The following NPAT variants were observed in gnomAD, a reference collection of about 807,000 sequenced individuals.
The protein encoded by NPAT is nuclear protein, coactivator of histone transcription.
Under a neutral mutation model 130.7 loss-of-function variants are expected in NPAT, and 52 were observed. The observed-to-expected ratio is 0.40, with a 90% CI of 0.32 to 0.50. The LOEUF is 0.50. NPAT is among the 20% of genes least tolerant of loss of function. NPAT has a pLI of 0.68. For synonymous variants in NPAT, 580 were observed against 584.8 expected, an observed-to-expected ratio of 0.99 and a Z score of 0.12; for missense variants, 1,687 against 1,662.6, an observed-to-expected ratio of 1.01 and a Z score of -0.26.
In NPAT at chr11:108,190,504, A is replaced by C. The variant is rs773905775; in HGVS notation, c.291-4T>G. On this transcript the variant is annotated splice_polypyrimidine_tract_variant and splice_region_variant and intron_variant, in intron 4 of 17. Coordinates refer to ENST00000278612, the MANE Select transcript of NPAT (RefSeq NM_002519.3). ...CCTTGGGGAACTTTGCATGCTCCTA[A>C]CAAAGAAAACAAAGTAGTTATCCAT... 1.9e-6 allele frequency: 3 copies of C among 1,613,046 alleles called. No individual in the cohort carries two copies. The South Asian group carries it at 3.3e-5, about 18-fold the overall frequency.
chr11:108,205,526 C>T (rs1235627001), intron 1 of NPAT, among the ~76,000 whole-genome samples: 2 of 152,188 alleles, frequency 1.3e-5, no homozygotes, highest in South Asian at 2.1e-4. Context: ...CCTTGGCCCC[C>T]ACAAAGTGCT....
chr11:108,187,685 G>GA (rs554958040), intron 7 of NPAT, among the ~76,000 whole-genome samples: 2,601 of 152,024 alleles, frequency 0.017, 86 homozygotes, highest in African/African-American at 0.057. Flanking sequence ...AAAGTGTTTT[G>GA]GGAAAAACAC....
At chr11:108,211,619 C>A (rs2078384557) in intron 1 of NPAT, among the ~76,000 whole-genome samples, 1 of 151,636 alleles carries the variant, frequency 6.6e-6, no homozygotes, top group Admixed American at 6.6e-5. Flanking sequence ...CAGTGATGCA[C>A]CATGACCAAG....
At chr11:108,221,130 C>T (rs559887425) in intron 1 of NPAT, among the ~76,000 whole-genome samples, 1 of 152,236 alleles carries the variant, frequency 6.6e-6, no homozygotes, top group South Asian at 2.1e-4. Flanking sequence ...GGTGATTCTG[C>T]CCTCCAGGGG....
At chr11:108,159,041 A>T in intron 17 of NPAT, 22 bp from the exon 18 acceptor site, 1 of 1,537,674 alleles carries the variant, frequency 6.5e-7, no homozygotes, top group Non-Finnish European at 8.9e-7. Flanking sequence ...GAGAAAGAAA[A>T]AATAAACTCA....
chr11:108,179,672 G>C lies in NPAT; in HGVS notation c.907-2582C>G, dbSNP rs549586626. Among the ~76,000 whole-genome samples the C allele has an allele frequency of 1.8e-4, 28 of 152,332 alleles. No individual in the cohort carries two copies. In the South Asian group the frequency reaches 5.8e-3, roughly 32 times the overall value. ...AAAAAAGAAATCATAAGGGAGGCCA[G>C]GCATGGTGGTTCACACCAATAATCC... On this transcript the variant is annotated intron_variant, in intron 10 of 17. Transcript: ENST00000278612.
chr11:108,200,378 C>G (rs370161765), intron 1 of NPAT, among the ~76,000 whole-genome samples: 1 of 152,156 alleles, frequency 6.6e-6, no homozygotes, highest in Admixed American at 6.5e-5. Flanking sequence ...TTTACCCATG[C>G]CTTTTAAATC....
At chr11:108,203,994 A>G (rs1396505036) in intron 1 of NPAT, among the ~76,000 whole-genome samples, 1 of 152,226 alleles carries the variant, frequency 6.6e-6, no homozygotes, top group Non-Finnish European at 1.5e-5. Context: ...ATGGAGCCTC[A>G]GACGATGGCT....
chr11:108,171,878 C>T (rs2077954885), intron 13 of NPAT: 1 of 245,810 alleles, frequency 4.1e-6, no homozygotes, highest in African/African-American at 2.2e-5. Flanking sequence ...TAAAAACTCC[C>T]CCACAACATT....
intron 6 of NPAT, 83 bp from the exon 7 acceptor site, chr11:108,188,262 T>G (rs1407270104): frequency 4.9e-6 from 5 of 1,017,360 alleles, no homozygotes; most frequent in Non-Finnish European, 6.2e-6. Context: ...GCATTAGTGA[T>G]TATTATTTTA....
chr11:108,177,529 A>G (rs902992874), intron 10 of NPAT, among the ~76,000 whole-genome samples: 1 of 152,166 alleles, frequency 6.6e-6, no homozygotes, highest in African/African-American at 2.4e-5. Flanking sequence ...TTTATGTAGT[A>G]GCATTCCCCC....
chr11:108,219,210 A>G (rs1474787886), intron 1 of NPAT, among the ~76,000 whole-genome samples: 1 of 152,146 alleles, frequency 6.6e-6, no homozygotes, highest in Non-Finnish European at 1.5e-5. Flanking sequence ...GGAAGCAGCC[A>G]TATTTTTCCC....
chr11:108,184,777 C>A (rs1255471737), intron 10 of NPAT, among the ~76,000 whole-genome samples: 1 of 152,186 alleles, frequency 6.6e-6, no homozygotes, highest in African/African-American at 2.4e-5. Context: ...GTGATCTGCC[C>A]TCCTTGGCCT....
rs769499589 is a variant in NPAT at position 108,172,951 on chromosome 11, C to T, written c.2033G>A (p.Gly678Glu). 7 of 1,614,106 alleles carry T rather than the reference C, an allele frequency of 4.3e-6. No homozygotes were observed. In the South Asian group the frequency reaches 7.7e-5, roughly 18 times the overall value. ...TGCAACTTTCTCACAGTTAGCATTT[C>T]CACCTAAAGAGAGAAAAATAGTATT... ...EENTIFLSLG[G>E]NANCEKVALT... Residue 678 changes from glycine to glutamate, a missense_variant, in exon 13 of 18, where the codon GGA (glycine) becomes GAA (glutamate). Physicochemically the swap from Gly to Glu is moderately conservative, Grantham distance 98. This residue lies in a region of NPAT where 1,379 missense variants were observed against 1,346.6 expected (regional missense o/e 1.02). Coordinates refer to ENST00000278612, the MANE Select transcript of NPAT (RefSeq NM_002519.3).
intron 10 of NPAT, among the ~76,000 whole-genome samples, chr11:108,183,251 T>G (rs969479183): frequency 6.6e-6 from 1 of 152,132 alleles, no homozygotes; most frequent in Admixed American, 6.5e-5. Flanking sequence ...CCTCTCAAAG[T>G]GCTGGGATTA....
intron 1 of NPAT, among the ~76,000 whole-genome samples, chr11:108,218,606 T>A (rs1565331623): frequency 6.6e-6 from 1 of 152,168 alleles, no homozygotes; most frequent in Non-Finnish European, 1.5e-5. Context: ...CACAAATAAC[T>A]GTAATGCAAA....
intron 15 of NPAT, 23 bp from the exon 16 acceptor site, chr11:108,162,203 CT>C: frequency 1.2e-6 from 2 of 1,601,406 alleles, no homozygotes; most frequent in South Asian, 2.2e-5. Flanking sequence ...ATGAACATTC[CT>C]GAGAAAAAGA....
intron 6 of NPAT, among the ~76,000 whole-genome samples, 155 bp downstream of exon 6, chr11:108,188,951 A>G (rs916720523): frequency 1.3e-5 from 2 of 152,234 alleles, no homozygotes; most frequent in Non-Finnish European, 2.9e-5. Flanking sequence ...TTATATGCTT[A>G]TAGCAAATCT....
At position 108,189,323 on chromosome 11, in the gene NPAT, C is replaced by T. The variant is rs1362281913; in HGVS notation, c.339G>A (p.Thr113=). ...GTTTGATTTCTGCAATTCCAGTTCT[C>T]GTTCGGGCTGAAACATATAAGCATT... ...PRFAGSQRAR[T]RTGIAEIKRQ... The change falls in exon 6 of 18, where the codon ACG becomes ACA. Residue 113 remains threonine, a synonymous_variant. Coordinates refer to ENST00000278612, the MANE Select transcript of NPAT (RefSeq NM_002519.3). 2.5e-6 allele frequency: 4 copies of T among 1,614,126 alleles called. No individual in the cohort carries two copies. The highest frequency in any genetic ancestry group is 1.1e-5 in the South Asian group (1 of 91,068).
Sources: allele counts gnomAD v4.1 joint callset (sites outside exome capture counted in the v4.1 genomes callset), GRCh38; gene constraint gnomAD v4.1.1; regional missense constraint gnomAD v4.1.1; transcripts MANE v1.5; gene names NCBI Gene and HGNC (gene_info 2026-07-23, HGNC 2026-07-21).